The following ACOX3 variants were observed in gnomAD, a reference collection of about 807,000 sequenced individuals.
The protein encoded by ACOX3 is peroxisomal acyl-coenzyme A oxidase 3.
Under a neutral mutation model 81.5 loss-of-function variants are expected in ACOX3, and 73 were observed. The observed-to-expected ratio is 0.90, with a 90% CI of 0.74 to 1.09. ACOX3 has a LOEUF of 1.09. Ranked by LOEUF, ACOX3 falls within the 50% of genes least tolerant of loss-of-function variation. The pLI, the probability that ACOX3 is intolerant of heterozygous loss-of-function variation, is 0.00. For missense variants in ACOX3, 947 were observed against 928.0 expected, an observed-to-expected ratio of 1.02 and a Z score of -0.27; for synonymous variants, 387 against 375.1, an observed-to-expected ratio of 1.03 and a Z score of -0.37.
At chr4:8,371,269 C>G (rs562487212) in intron 16 of ACOX3, among the ~76,000 whole-genome samples, 1 of 152,346 alleles carries the variant, frequency 6.6e-6, no homozygotes, top group South Asian at 2.1e-4. Flanking sequence ...AGTGACGACC[C>G]TGAAGCTCGT....
the ACOX3 span, among the ~76,000 whole-genome samples, chr4:8,361,039 G>A: frequency 6.6e-6 from 1 of 152,132 alleles, no homozygotes; most frequent in Non-Finnish European, 1.5e-5. Context: ...TTACATGCAA[G>A]ATGTGTAAGA....
At chr4:8,387,175 C>T (rs993152448) in intron 13 of ACOX3, among the ~76,000 whole-genome samples, 1 of 152,250 alleles carries the variant, frequency 6.6e-6, no homozygotes, top group Non-Finnish European at 1.5e-5. Context: ...ACTGATGTGG[C>T]GCCAAGTGCT....
rs868579443 is a variant in ACOX3, at chr4:8,385,892, C to G, written c.1537+3281G>C. 4.6e-5 allele frequency among the ~76,000 whole-genome samples: 7 copies of G among 152,224 alleles called. No homozygotes were observed. Among genetic ancestry groups the G allele is most frequent in the South Asian group, 2.1e-4 (1 of 4,828 alleles). On this transcript the variant is annotated intron_variant, in intron 13 of 17. Transcript: ENST00000356406. The surrounding 1 kb of genome is among the most constrained non-coding windows in gnomAD (Gnocchi z 5.5). ...GGGGCTGGCAGAACCCACAAGCTTC[C>G]CTGCGGCGTGAGGGATAATGGCGGT...
the ACOX3 span, chr4:8,357,962 G>A: frequency 6.5e-6 from 1 of 154,338 alleles, no homozygotes; most frequent in South Asian, 2.0e-4. Flanking sequence ...GAGGGCTCGG[G>A]ATGCCCCATT....
Position 8,389,805 on chromosome 4 carries a change from A to G in ACOX3, c.1301-71T>C. The G allele has an allele frequency of 1.3e-6, 2 of 1,589,586 alleles. No homozygotes were observed. The highest frequency in any genetic ancestry group is 1.7e-6 in the Non-Finnish European group (2 of 1,168,158). Reference sequence around the variant, plus strand: ...AGAAGCAGCCTGTCACTATGTGAGAATTTAAAAAGCCTTAAGAGGCTGGGT... The same window carrying G: ...AGAAGCAGCCTGTCACTATGTGAGAGTTTAAAAAGCCTTAAGAGGCTGGGT... On this transcript the variant is annotated intron_variant, in intron 11 of 17. Transcript: ENST00000356406. The surrounding 1 kb of genome is among the most constrained non-coding windows in gnomAD (Gnocchi z 5.3).
At chr4:8,417,631 G>A (rs533223271) in intron 1 of ACOX3, among the ~76,000 whole-genome samples, 1 of 152,064 alleles carries the variant, frequency 6.6e-6, no homozygotes, top group Non-Finnish European at 1.5e-5. Context: ...TTAAGACACT[G>A]GAAAAGAAAC....
In ACOX3 at chr4:8,406,151, C is replaced by G; in HGVS notation, c.688-108G>C. 9.5e-7 allele frequency: 1 copy of G among 1,050,708 alleles called. No homozygotes were observed. The highest frequency in any genetic ancestry group is 1.5e-6 in the Non-Finnish European group (1 of 683,466). The allele number at this position is 1,050,708 out of a possible 1,614,324, so 65.1% of individuals were successfully genotyped here. A position where few individuals can be genotyped will look rare whatever the true frequency, so the allele number is the denominator to read the frequency against. Reference sequence around the variant, plus strand: ...GGTGGGCCATGGGCTCAACGCTGGGCGGCTGTGGGTTAAACCATCCTCCAG... The same window carrying G: ...GGTGGGCCATGGGCTCAACGCTGGGGGGCTGTGGGTTAAACCATCCTCCAG... On this transcript the variant is annotated intron_variant, in intron 6 of 17. Coordinates refer to ENST00000356406, the MANE Select transcript of ACOX3 (RefSeq NM_003501.3). The surrounding 1 kb of genome is among the most constrained non-coding windows in gnomAD (Gnocchi z 5.6).
rs1387937982 is a variant in ACOX3, at chr4:8,382,710, T to A, written c.1538-1103A>T. Among the ~76,000 whole-genome samples, 1 of 152,150 alleles carries A rather than the reference T, an allele frequency of 6.6e-6. No homozygotes were observed. Among genetic ancestry groups the A allele is most frequent in the African/African-American group, 2.4e-5 (1 of 41,444 alleles). On this transcript the variant is annotated intron_variant, in intron 13 of 17. Coordinates refer to ENST00000356406, the MANE Select transcript of ACOX3 (RefSeq NM_003501.3). This position sits in a 1 kb window ranked among gnomAD's most constrained non-coding sequence, Gnocchi z 4.1. The stretch of plus-strand genomic sequence containing the variant: ...GTCACTGGGAAGAAAATACCCAACG[T>A]TGCTGGGCGCAGTGGCTCACACCTG...
intron 14 of ACOX3, among the ~76,000 whole-genome samples, chr4:8,379,565 G>A (rs777729171): frequency 7.9e-5 from 12 of 152,292 alleles, no homozygotes; most frequent in Non-Finnish European, 1.5e-4. Flanking sequence ...AAAAGCTACA[G>A]GTGAGGAGGG....
chr4:8,415,817 G>C lies in ACOX3; in HGVS notation c.327C>G (p.Cys109Trp). The change falls in exon 3 of 18, where the codon TGC becomes TGG. Residue 109 changes from cysteine to tryptophan, a missense_variant. By Grantham distance (215) the Cys-to-Trp change is radical. Coordinates refer to ENST00000356406, the MANE Select transcript of ACOX3 (RefSeq NM_003501.3). ...CCAGAGAAGAGTCATACATGCCCAGGCACTGAATCAAGGCGGGGACCTTCA... is the reference window on the plus strand; with the variant it reads ...CCAGAGAAGAGTCATACATGCCCAGCCACTGAATCAAGGCGGGGACCTTCA... The part of the protein sequence containing the change: ...SPLKVPALIQ[C>W]LGMYDSSLAA... 1 of 1,614,086 alleles carries C rather than the reference G, an allele frequency of 6.2e-7. No individual in the cohort carries two copies. Among genetic ancestry groups the C allele is most frequent in the African/African-American group, 1.3e-5 (1 of 75,012 alleles).
chr4:8,433,256 T>C (rs1285610721), intron 1 of ACOX3, among the ~76,000 whole-genome samples: 1 of 152,256 alleles, frequency 6.6e-6, no homozygotes, highest in Admixed American at 6.5e-5. Flanking sequence ...TCAGCAGTTA[T>C]TCACTATGAG....
intron 14 of ACOX3, among the ~76,000 whole-genome samples, chr4:8,380,753 C>T (rs1717537714): frequency 1.3e-5 from 2 of 152,232 alleles, no homozygotes; most frequent in African/African-American, 4.8e-5. Context: ...TCTCCGTATC[C>T]ACGGCCTCCC....
intron 1 of ACOX3, 80 bp downstream of exon 1, chr4:8,440,568 C>T: frequency 2.2e-6 from 1 of 446,368 alleles, no homozygotes; most frequent in Non-Finnish European, 3.9e-6. Context: ...CACCCGCTGG[C>T]TGGCTGATGT....
chr4:8,412,273 C>A (rs544805930), intron 5 of ACOX3, among the ~76,000 whole-genome samples: 1 of 152,384 alleles, frequency 6.6e-6, no homozygotes, highest in Non-Finnish European at 1.5e-5. Context: ...CAAGGCCCCA[C>A]AGCAGGGGCA....
At chr4:8,372,095 A>G (rs1716286328) in intron 16 of ACOX3, among the ~76,000 whole-genome samples, 1 of 152,278 alleles carries the variant, frequency 6.6e-6, no homozygotes, top group South Asian at 2.1e-4. Context: ...CTGGGAAATC[A>G]GTTGTGGCTG....
rs529541400 is a variant in ACOX3 at position 8,406,885 on chromosome 4, C to G, written c.688-842G>C. Among the ~76,000 whole-genome samples, 1 of 152,184 alleles carries G rather than the reference C, an allele frequency of 6.6e-6. No homozygotes were observed. Among genetic ancestry groups the G allele is most frequent in the Non-Finnish European group, 1.5e-5 (1 of 68,026 alleles). ...CATCACAGGGAGACGGTTAGTCCTC[C>G]GGATAACTGCGGGCAAGCCTGACAA... is the stretch of plus-strand genomic sequence containing the variant. On this transcript the variant is annotated intron_variant, in intron 6 of 17. Coordinates refer to ENST00000356406, the MANE Select transcript of ACOX3 (RefSeq NM_003501.3). This position sits in a 1 kb window ranked among gnomAD's most constrained non-coding sequence, Gnocchi z 5.6.
In ACOX3 at chr4:8,407,065, T is replaced by C. The variant is rs1721067658; in HGVS notation, c.688-1022A>G. ...ACGGTCTGCTTGGCAACGGGCGTCT[T>C]CCCAGATGCTGGCATCACTGCTAGA... On this transcript the variant is annotated intron_variant, in intron 6 of 17. Transcript: ENST00000356406. The surrounding 1 kb of genome is among the most constrained non-coding windows in gnomAD (Gnocchi z 4.6). 6.6e-6 allele frequency among the ~76,000 whole-genome samples: 1 copy of C among 152,142 alleles called. No homozygotes were observed. The highest frequency in any genetic ancestry group is 1.5e-5 in the Non-Finnish European group (1 of 68,010).
chr4:8,374,976 A>T lies in ACOX3; in HGVS notation c.1828+2T>A. On this transcript the variant is annotated splice_donor_variant, in intron 15 of 17. Coordinates refer to ENST00000356406, the MANE Select transcript of ACOX3 (RefSeq NM_003501.3). LOFTEE classifies it high-confidence loss of function. ...CAGCAAGCCCGCAGTCAGAAGCCTCACCTCGGTAGAGCAGGGCCGCGTGGC... is the reference window on the plus strand; with the variant it reads ...CAGCAAGCCCGCAGTCAGAAGCCTCTCCTCGGTAGAGCAGGGCCGCGTGGC... The T allele has an allele frequency of 2.0e-6, 3 of 1,507,764 alleles. No homozygotes were observed. The highest frequency in any genetic ancestry group is 2.7e-6 in the Non-Finnish European group (3 of 1,119,820). 93.4% of individuals were successfully genotyped at this position (1,507,764 alleles called of 1,614,324 possible). A position where few individuals can be genotyped will look rare whatever the true frequency, so the allele number is the denominator to read the frequency against.
At chr4:8,404,548 T>C (rs1181279013) in intron 7 of ACOX3, among the ~76,000 whole-genome samples, 2 of 152,116 alleles carry the variant, frequency 1.3e-5, no homozygotes, top group African/African-American at 2.4e-5. Flanking sequence ...TCCTCTTTAG[T>C]ACAGTCTGGG....
Sources: allele counts gnomAD v4.1 joint callset (sites outside exome capture counted in the v4.1 genomes callset), GRCh38; gene constraint gnomAD v4.1.1; non-coding constraint Gnocchi (gnomAD v3.1); transcripts MANE v1.5; gene names NCBI Gene and HGNC (gene_info 2026-07-23, HGNC 2026-07-21).